Variants in RTL4 observed in about 807,000 individuals in gnomAD.
The protein encoded by RTL4 is retrotransposon Gag-like protein 4.
RTL4 carries 4 observed loss-of-function variants against 5.3 expected under a neutral mutation model. The observed-to-expected ratio is 0.75, with a 90% CI of 0.37 to 1.72. RTL4 has a LOEUF of 1.72. Ranked by LOEUF, RTL4 falls within the 40% of genes most tolerant of loss-of-function variation. The pLI is 0.04. For synonymous variants in RTL4, 98 were observed against 87.3 expected, an observed-to-expected ratio of 1.12 and a Z score of -0.68; for missense variants, 260 against 227.1, an observed-to-expected ratio of 1.14 and a Z score of -0.93.
At chrX:112,297,701 T>C in the RTL4 span, among the ~76,000 whole-genome samples, 1 of 111,670 alleles carries the variant, frequency 9.0e-6, no homozygotes, top group Non-Finnish European at 1.9e-5. Flanking sequence ...CAGGCCATTG[T>C]AGTGACTGAT....
the RTL4 span, among the ~76,000 whole-genome samples, chrX:112,271,572 G>A: frequency 9.0e-6 from 1 of 111,490 alleles, no homozygotes; most frequent in Admixed American, 9.5e-5. Flanking sequence ...AAAAAAAGAA[G>A]GCATACATAA....
chrX:112,243,102 A>T, the RTL4 span, among the ~76,000 whole-genome samples: 1 of 111,652 alleles, frequency 9.0e-6, no homozygotes, highest in Non-Finnish European at 1.9e-5. Flanking sequence ...CCAGTATTTT[A>T]TCGAGGCTTT....
chrX:112,312,130 A>G, the RTL4 span, among the ~76,000 whole-genome samples: 1 of 111,675 alleles, frequency 9.0e-6, no homozygotes, highest in Non-Finnish European at 1.9e-5. Flanking sequence ...ATTTCCAGAC[A>G]TCAAAGTGTA....
chrX:112,228,375 C>A, the RTL4 span, among the ~76,000 whole-genome samples: 2 of 111,750 alleles, frequency 1.8e-5, no homozygotes, highest in African/African-American at 6.5e-5. Context: ...ACAGTGAAGT[C>A]TGTGACACAT....
At chrX:112,131,123 T>C in the RTL4 span, among the ~76,000 whole-genome samples, 2 of 109,504 alleles carry the variant, frequency 1.8e-5, no homozygotes, top group African/African-American at 3.4e-5. Flanking sequence ...AAAAGAAAAA[T>C]TGTAGTATAG....
the RTL4 span, among the ~76,000 whole-genome samples, chrX:112,339,589 T>C: frequency 8.9e-6 from 1 of 112,512 alleles, no homozygotes; most frequent in Non-Finnish European, 1.9e-5. Flanking sequence ...ATAAGAACCA[T>C]GTAAGCATGA....
the RTL4 span, among the ~76,000 whole-genome samples, chrX:112,265,288 G>C: frequency 8.9e-6 from 1 of 112,704 alleles, no homozygotes; most frequent in African/African-American, 3.2e-5. Flanking sequence ...TAAGGATCCA[G>C]TTTGGATGAG....
chrX:112,199,187 G>T, the RTL4 span, among the ~76,000 whole-genome samples: 2 of 108,747 alleles, frequency 1.8e-5, no homozygotes, highest in South Asian at 8.3e-4. Flanking sequence ...TACTTGGGAG[G>T]CTGAGGCAGG....
At chrX:112,161,844 C>CCTTCCTTTCTTT in the RTL4 span, among the ~76,000 whole-genome samples, 93 of 40,033 alleles carry the variant, frequency 2.3e-3, 2 homozygotes, top group African/African-American at 8.4e-3. Context: ...TTCCTTCCTT[C>CCTTCCTTTCTTT]CTTTCTTTCT....
At chrX:112,250,014 C>T in the RTL4 span, among the ~76,000 whole-genome samples, 1 of 110,694 alleles carries the variant, frequency 9.0e-6, no homozygotes, top group Non-Finnish European at 1.9e-5. Flanking sequence ...CAGTGGCTCA[C>T]GCCTGTAATC....
At chrX:112,122,967 A>G in the RTL4 span, among the ~76,000 whole-genome samples, 13 of 111,730 alleles carry the variant, frequency 1.2e-4, no homozygotes, top group South Asian at 3.7e-4. Flanking sequence ...CTTGCTTTCT[A>G]TAAAGTCAGT....
At chrX:112,304,616 T>C in the RTL4 span, among the ~76,000 whole-genome samples, 1 of 105,179 alleles carries the variant, frequency 9.5e-6, no homozygotes, top group African/African-American at 3.5e-5. Context: ...GATTACTCTC[T>C]GCTTACTAGA....
chrX:112,097,674 C>G, the RTL4 span, among the ~76,000 whole-genome samples: 1 of 111,081 alleles, frequency 9.0e-6, no homozygotes, highest in Non-Finnish European at 1.9e-5. Flanking sequence ...TGTTTCCCCC[C>G]ATTTCCCTAA....
At chrX:112,338,812 A>G in the RTL4 span, among the ~76,000 whole-genome samples, 1 of 112,266 alleles carries the variant, frequency 8.9e-6, no homozygotes. Context: ...TCATTTGAAA[A>G]TTAAAGATTT....
At chrX:112,366,167 T>C in the RTL4 span, among the ~76,000 whole-genome samples, 4 of 111,626 alleles carry the variant, frequency 3.6e-5, no homozygotes, top group East Asian at 1.1e-3. Flanking sequence ...TTAGCAGATC[T>C]GAGCTTTAGT....
the RTL4 span, among the ~76,000 whole-genome samples, chrX:112,388,712 A>G: frequency 4.5e-5 from 5 of 112,175 alleles, no homozygotes; most frequent in Non-Finnish European, 9.4e-5. Flanking sequence ...GATGAATCAC[A>G]TTTGTTGAGT....
chrX:112,276,492 G>A, the RTL4 span, among the ~76,000 whole-genome samples: 8 of 112,087 alleles, frequency 7.1e-5, no homozygotes, highest in African/African-American at 2.6e-4. Context: ...TCTGCAATAA[G>A]CAAATATGTT....
chrX:112,087,317 A>T, the RTL4 span, among the ~76,000 whole-genome samples: 1 of 103,996 alleles, frequency 9.6e-6, no homozygotes, highest in Non-Finnish European at 1.9e-5. Flanking sequence ...CCAGGAGTAG[A>T]TTGGTCTTCA....
At chrX:112,428,287 G>A in the RTL4 span, among the ~76,000 whole-genome samples, 2 of 111,822 alleles carry the variant, frequency 1.8e-5, no homozygotes, top group African/African-American at 6.5e-5. Context: ...TAGATACCCA[G>A]TAGTGGAATT....
Sources: gnomAD v4.1 joint callset for allele counts (sites outside exome capture counted in the v4.1 genomes callset) on GRCh38, gnomAD v4.1.1 for gene constraint, MANE v1.5 for transcripts, NCBI Gene and HGNC (gene_info 2026-07-23, HGNC 2026-07-21) for gene names.